TAMM41: variants seen among roughly 807,000 people sequenced by gnomAD.
TAMM41 encodes phosphatidate cytidylyltransferase, mitochondrial.
A neutral mutation model predicts 44.1 loss-of-function variants in TAMM41; 36 were observed. The observed-to-expected ratio is 0.82, with a 90% CI of 0.63 to 1.08. TAMM41 has a LOEUF of 1.08. TAMM41 is among the 50% of genes least tolerant of loss of function. The pLI, the probability that TAMM41 is intolerant of heterozygous loss-of-function variation, is 0.00. For synonymous variants in TAMM41, 164 were observed against 153.1 expected, an observed-to-expected ratio of 1.07 and a Z score of -0.53; for missense variants, 417 against 404.3, an observed-to-expected ratio of 1.03 and a Z score of -0.27.
chr3:11,797,547 C>G (rs747485018), intron 7 of TAMM41, among the ~76,000 whole-genome samples: 1 of 152,152 alleles, frequency 6.6e-6, no homozygotes, highest in Non-Finnish European at 1.5e-5. Flanking sequence ...TGGAAGACAA[C>G]TTAGGCAATA....
the TAMM41 span, among the ~76,000 whole-genome samples, chr3:11,761,840 G>A: frequency 2.0e-5 from 3 of 151,248 alleles, no homozygotes; most frequent in Admixed American, 6.6e-5. Context: ...CCAGCTGCTT[G>A]GGAGGCTGAG....
the TAMM41 span, among the ~76,000 whole-genome samples, chr3:11,771,991 G>GAA: frequency 6.6e-6 from 1 of 152,030 alleles, no homozygotes; most frequent in African/African-American, 2.4e-5. Flanking sequence ...CCCAAATAGT[G>GAA]AACACTTTAC....
At chr3:11,744,850 GACC>G in the TAMM41 span, among the ~76,000 whole-genome samples, 1 of 149,436 alleles carries the variant, frequency 6.7e-6, no homozygotes, top group Non-Finnish European at 1.5e-5. Context: ...AACACTGCAA[GACC>G]TCATCTCTAC....
the TAMM41 span, among the ~76,000 whole-genome samples, chr3:11,759,376 C>T: frequency 2.6e-4 from 40 of 151,840 alleles, no homozygotes; most frequent in East Asian, 1.6e-3. Context: ...GCCCTGTAAA[C>T]GAGATGCCAA....
chr3:11,783,609 GTTATTT>G, the TAMM41 span, among the ~76,000 whole-genome samples: 2 of 152,178 alleles, frequency 1.3e-5, no homozygotes, highest in African/African-American at 4.8e-5. Flanking sequence ...TAGTCAACTG[GTTATTT>G]TTATAAGTGA....
chr3:11,769,277 A>G, the TAMM41 span, among the ~76,000 whole-genome samples: 1 of 151,984 alleles, frequency 6.6e-6, no homozygotes, highest in African/African-American at 2.4e-5. Context: ...TTTAGTAAAG[A>G]TGGGGTTTCA....
At position 11,808,343 on chromosome 3, in the gene TAMM41, G is replaced by C. The variant is rs1381398306; in HGVS notation, c.875-448C>G. ...GAACAAGTTTCACTCACCTCAAAGAGACGGCCCAGATCACACTGTTGCCAG... is the reference window on the plus strand; with the variant it reads ...GAACAAGTTTCACTCACCTCAAAGACACGGCCCAGATCACACTGTTGCCAG... On this transcript the variant is annotated intron_variant, in intron 6 of 7. Coordinates refer to ENST00000455809, the MANE Select transcript of TAMM41 (RefSeq NM_001284401.2). 4.0e-6 allele frequency: 4 copies of C among 1,008,608 alleles called. No homozygotes were observed. The African/African-American group carries it at 7.0e-5, about 18-fold the overall frequency. 62.5% of individuals were successfully genotyped at this position (1,008,608 alleles called of 1,614,324 possible). A position where few individuals can be genotyped will look rare whatever the true frequency, so the allele number is the denominator to read the frequency against.
chr3:11,777,670 T>C, the TAMM41 span, among the ~76,000 whole-genome samples: 2 of 152,102 alleles, frequency 1.3e-5, no homozygotes, highest in Non-Finnish European at 2.9e-5. Flanking sequence ...AGTGTGCACC[T>C]ATAATCCCAG....
At chr3:11,833,970 AG>A (rs2079079068) in intron 3 of TAMM41, among the ~76,000 whole-genome samples, 1 of 152,004 alleles carries the variant, frequency 6.6e-6, no homozygotes, top group Non-Finnish European at 1.5e-5. Context: ...AGGCCAGACA[AG>A]GGGGCTCATG....
chr3:11,755,114 G>A, the TAMM41 span, among the ~76,000 whole-genome samples: 3 of 150,844 alleles, frequency 2.0e-5, no homozygotes, highest in Non-Finnish European at 4.4e-5. Context: ...TCAAATACAG[G>A]CCTCCCCTCC....
downstream of TAMM41, among the ~76,000 whole-genome samples, chr3:11,786,258 C>CATTT (rs58941446): frequency 0.44 from 62,247 of 142,242 alleles, 14,584 homozygotes; most frequent in East Asian, 0.75. Context: ...CATTAAGTTC[C>CATTT]ATTTATTTAT....
At chr3:11,725,428 C>CTT in the TAMM41 span, among the ~76,000 whole-genome samples, 1 of 102,234 alleles carries the variant, frequency 9.8e-6, no homozygotes, top group African/African-American at 4.4e-5. Context: ...TTCTTCTTTC[C>CTT]TCCTCCTCCT....
At chr3:11,778,916 C>T in the TAMM41 span, among the ~76,000 whole-genome samples, 1 of 152,228 alleles carries the variant, frequency 6.6e-6, no homozygotes, top group East Asian at 1.9e-4. Flanking sequence ...TTTAGGTTAG[C>T]CTTTCACTTT....
chr3:11,814,220 A>T (rs879492345), intron 5 of TAMM41, among the ~76,000 whole-genome samples: 7 of 152,074 alleles, frequency 4.6e-5, no homozygotes, highest in Admixed American at 2.6e-4. Context: ...TCAGGCCAGG[A>T]AGGAAACTCA....
chr3:11,840,786 T>C (rs1037956261), intron 2 of TAMM41, among the ~76,000 whole-genome samples: 1 of 151,952 alleles, frequency 6.6e-6, no homozygotes, highest in African/African-American at 2.4e-5. Context: ...ATTTGAGAAA[T>C]AAAAAACCTA....
At chr3:11,747,892 T>A in the TAMM41 span, among the ~76,000 whole-genome samples, 1 of 151,132 alleles carries the variant, frequency 6.6e-6, no homozygotes. Flanking sequence ...TTTTTTTTTT[T>A]GAGACAGGGT....
At chr3:11,819,429 A>G (rs370221784) in intron 4 of TAMM41, among the ~76,000 whole-genome samples, 19 of 152,370 alleles carry the variant, frequency 1.2e-4, no homozygotes, top group African/African-American at 4.3e-4. Flanking sequence ...AATATACTAC[A>G]TATATAAAAT....
intron 5 of TAMM41, among the ~76,000 whole-genome samples, chr3:11,813,828 ATGTGTGTG>A (rs143683206): frequency 7.7e-5 from 11 of 143,106 alleles, no homozygotes; most frequent in Admixed American, 3.5e-4. Context: ...GTACAAATAT[ATGTGTGTG>A]TGTGTGTGTG....
chr3:11,722,469 G>C, the TAMM41 span, among the ~76,000 whole-genome samples: 2 of 152,120 alleles, frequency 1.3e-5, no homozygotes, highest in South Asian at 4.1e-4. Flanking sequence ...ATGACTTACA[G>C]TGACCTCAAC....
Sources: gnomAD v4.1 joint callset for allele counts (sites outside exome capture counted in the v4.1 genomes callset) on GRCh38, gnomAD v4.1.1 for gene constraint, MANE v1.5 for transcripts, NCBI Gene and HGNC (gene_info 2026-07-23, HGNC 2026-07-21) for gene names.